The following ANKRD26 variants were observed in gnomAD, a reference collection of about 807,000 sequenced individuals.
The protein encoded by ANKRD26 is ankyrin repeat domain 26.
ANKRD26 carries 141 observed loss-of-function variants against 208.7 expected under a neutral mutation model. That is an observed-to-expected ratio of 0.68 (90% CI 0.59 to 0.78). The LOEUF is 0.78. Among genes scored for constraint, ANKRD26 ranks in the 30% least tolerant of loss-of-function variants. The pLI, the probability that ANKRD26 is intolerant of heterozygous loss-of-function variation, is 0.00. For missense variants in ANKRD26, 1,889 were observed against 1,938.7 expected (o/e 0.97, Z 0.48); for synonymous variants, 636 against 660.4 (o/e 0.96, Z 0.57).
chr10:27,078,254 A>T (rs1217716400), intron 7 of ANKRD26, among the ~76,000 whole-genome samples: 1 of 152,184 alleles, frequency 6.6e-6, no homozygotes, highest in Non-Finnish European at 1.5e-5. Flanking sequence ...CAGAGAAAAA[A>T]ACAAAAATAA....
intron 16 of ANKRD26, 73 bp downstream of exon 16, chr10:27,053,247 C>A: frequency 9.2e-7 from 1 of 1,084,716 alleles, no homozygotes; most frequent in Non-Finnish European, 1.4e-6. Flanking sequence ...AAAGTAATTT[C>A]ATTTGGACTA....
rs1180839455 is a variant in ANKRD26, at chr10:27,077,506, A to G, written c.909T>C (p.Asn303=). ...EATYGTVRTG[N]RTLFEDRDSD... Reference sequence around the variant, plus strand: ...AATCTCTATCCTCAAACAAAGTTCTATTTCCTGTTCTCACAGTGCCATATG... The same window carrying G: ...AATCTCTATCCTCAAACAAAGTTCTGTTTCCTGTTCTCACAGTGCCATATG... Residue 303 remains asparagine, a synonymous_variant, in exon 9 of 34, where the codon AAT becomes AAC. Transcript: ENST00000376087. The G allele has an allele frequency of 6.2e-7, 1 of 1,613,978 alleles. No homozygotes were observed. Among genetic ancestry groups the G allele is most frequent in the Admixed American group, 1.7e-5 (1 of 59,890 alleles).
the ANKRD26 span, among the ~76,000 whole-genome samples, chr10:26,952,214 G>A: frequency 0.043 from 5,640 of 130,182 alleles, 123 homozygotes; most frequent in Admixed American, 0.13. Flanking sequence ...CCCCATTGAC[G>A]CTGCCTCCTG....
chr10:27,044,011 C>T (rs1052622779), intron 19 of ANKRD26, 146 bp downstream of exon 19: 36 of 593,048 alleles, frequency 6.1e-5, no homozygotes, highest in Non-Finnish European at 9.1e-5. Flanking sequence ...CTAGGCTGGT[C>T]TCAAATTCCT....
intron 25 of ANKRD26, among the ~76,000 whole-genome samples, chr10:27,029,622 G>A (rs1020332961): frequency 6.6e-6 from 1 of 152,048 alleles, no homozygotes; most frequent in Non-Finnish European, 1.5e-5. Flanking sequence ...TATTACTCTT[G>A]TTTTCAAACT....
chr10:27,081,006 G>A, intron 6 of ANKRD26: 2 of 968,312 alleles, frequency 2.1e-6, no homozygotes, highest in Non-Finnish European at 2.5e-6. Context: ...CAGCTCCAAA[G>A]TACTTGAGGG....
At chr10:26,955,961 C>G in the ANKRD26 span, among the ~76,000 whole-genome samples, 1 of 152,184 alleles carries the variant, frequency 6.6e-6, no homozygotes, top group South Asian at 2.1e-4. Context: ...ACTTAACTCA[C>G]TAAAATATTT....
intron 4 of ANKRD26, among the ~76,000 whole-genome samples, chr10:26,996,473 T>A (rs1366914108): frequency 1.3e-5 from 2 of 152,158 alleles, no homozygotes; most frequent in African/African-American, 4.8e-5. Flanking sequence ...GGCAGAAGAA[T>A]CACTTGAACC....
chr10:26,976,730 C>T (rs956131452), intron 5 of ANKRD26, among the ~76,000 whole-genome samples: 1 of 152,088 alleles, frequency 6.6e-6, no homozygotes, highest in Non-Finnish European at 1.5e-5. Context: ...AAGCTCACTG[C>T]GTGTGCAAAG....
At chr10:27,001,087 T>C (rs1444920328), downstream of ANKRD26, among the ~76,000 whole-genome samples, 6 of 152,214 alleles carry the variant, frequency 3.9e-5, no homozygotes, top group African/African-American at 7.2e-5. Flanking sequence ...ATAGATTCAA[T>C]GCAATTCCAA....
Position 27,040,185 on chromosome 10 carries a change from C to G in ANKRD26, c.2162-7G>C. 3 of 1,596,226 alleles carry G rather than the reference C, an allele frequency of 1.9e-6. No individual in the cohort carries two copies. Among genetic ancestry groups the G allele is most frequent in the Non-Finnish European group, 2.6e-6 (3 of 1,165,632 alleles). ...TTCAATAGGCTAACAGAATCTGTATCAGGAAGAAAACAAGATAGAAATATA... is the reference window on the plus strand; with the variant it reads ...TTCAATAGGCTAACAGAATCTGTATGAGGAAGAAAACAAGATAGAAATATA... On this transcript the variant is annotated splice_polypyrimidine_tract_variant and splice_region_variant and intron_variant, in intron 20 of 33. Coordinates refer to ENST00000376087, the MANE Select transcript of ANKRD26 (RefSeq NM_014915.3).
rs756875612 is a variant in ANKRD26, at chr10:27,077,406, T to C, written c.1009A>G (p.Thr337Ala). The C allele has an allele frequency of 5.0e-6, 8 of 1,613,906 alleles. No individual in the cohort carries two copies. The South Asian group carries it at 5.5e-5, about 11-fold the overall frequency. ...SIKVQCFSHP[T>A]YQSPDLLPKP... ...GGAAGAAGGTCAGGTGATTGATAGGTAGGATGAGAAAAGCACTGGACTTTG... is the reference window on the plus strand; with the variant it reads ...GGAAGAAGGTCAGGTGATTGATAGGCAGGATGAGAAAAGCACTGGACTTTG... Residue 337 changes from threonine to alanine, a missense_variant, in exon 9 of 34, where the codon ACC becomes GCC. Around this residue, in one of 3 missense-constraint regions of ANKRD26, gnomAD observed 1,272 missense variants for 1,273.8 expected, o/e 1.00. Transcript: ENST00000376087.
chr10:27,055,471 C>A (rs1033150693), intron 15 of ANKRD26, among the ~76,000 whole-genome samples: 24 of 152,024 alleles, frequency 1.6e-4, no homozygotes, highest in African/African-American at 5.8e-4. Flanking sequence ...AAAAAGAAAA[C>A]AAAACTATTG....
At chr10:26,974,588 C>T (rs1249452058) in exon 6 of ANKRD26, among the ~76,000 whole-genome samples, 1 of 152,198 alleles carries the variant, frequency 6.6e-6, no homozygotes, top group East Asian at 1.9e-4. Flanking sequence ...GATCTGCCTG[C>T]CTTGGCCTCC....
In ANKRD26 at chr10:27,060,411, T is replaced by C. The variant is rs1327875225; in HGVS notation, c.1498A>G (p.Ile500Val). 43 of 1,612,196 alleles carry C rather than the reference T, an allele frequency of 2.7e-5. No homozygotes were observed. The Admixed American group carries it at 6.3e-4, about 24-fold the overall frequency. ...PERYLHLKPT[I>V]EMKDSVPNKA... is the part of the protein sequence containing the mutation. Reference sequence around the variant, plus strand: ...TTTGGAACAGAATCTTTCATTTCAATGGTAGGCTGAATGGGTTTTGAAACA... The same window carrying C: ...TTTGGAACAGAATCTTTCATTTCAACGGTAGGCTGAATGGGTTTTGAAACA... The change falls in exon 15 of 34, where the codon ATT becomes GTT. Residue 500 changes from isoleucine to valine, a missense_variant. By Grantham distance (29) the Ile-to-Val change is conservative. Coordinates refer to ENST00000376087, the MANE Select transcript of ANKRD26 (RefSeq NM_014915.3).
chr10:27,021,059 G>A (rs1300971384), intron 29 of ANKRD26, among the ~76,000 whole-genome samples: 2 of 152,102 alleles, frequency 1.3e-5, no homozygotes, highest in Non-Finnish European at 2.9e-5. Flanking sequence ...GCCGAGGTTT[G>A]GACTTCTGTT....
chr10:27,018,856 A>T (rs1383488688), intron 29 of ANKRD26, among the ~76,000 whole-genome samples: 1 of 152,236 alleles, frequency 6.6e-6, no homozygotes, highest in African/African-American at 2.4e-5. Context: ...ATAAAGATGT[A>T]AAAAAGTAAG....
intron 30 of ANKRD26, among the ~76,000 whole-genome samples, chr10:27,016,171 G>A (rs1243756738): frequency 6.6e-6 from 1 of 151,384 alleles, no homozygotes; most frequent in Non-Finnish European, 1.5e-5. Flanking sequence ...TTAAATTTTT[G>A]TAGAGATGGG....
At chr10:27,049,127 G>T in intron 16 of ANKRD26, 148 bp from the exon 17 acceptor site, 2 of 615,794 alleles carry the variant, frequency 3.2e-6, no homozygotes, top group South Asian at 2.6e-5. Context: ...TGGGATCATT[G>T]TATACATAAT....
Sources: gnomAD v4.1 joint callset for allele counts (sites outside exome capture counted in the v4.1 genomes callset) on GRCh38, gnomAD v4.1.1 for gene constraint, gnomAD v4.1.1 regional missense constraint, MANE v1.5 for transcripts, NCBI Gene and HGNC (gene_info 2026-07-23, HGNC 2026-07-21) for gene names.